The following MTOR variants were observed in gnomAD, a reference collection of about 807,000 sequenced individuals.
MTOR encodes the protein serine/threonine-protein kinase mTOR.
In MTOR, 70 loss-of-function variants were observed where a neutral mutation model predicts 319.8. That is an observed-to-expected ratio of 0.22 (90% confidence interval 0.18 to 0.27). The LOEUF is 0.27. Among genes scored for constraint, MTOR ranks in the 10% least tolerant of loss-of-function variants. The pLI is 1.00. For missense variants in MTOR, 1,890 were observed against 3,274.4 expected, an observed-to-expected ratio of 0.58 and a Z score of 10.32; for synonymous variants, 1,183 against 1,211.4, an observed-to-expected ratio of 0.98 and a Z score of 0.49.
intron 28 of MTOR, among the ~76,000 whole-genome samples, chr1:11,176,078 G>A (rs1310478591): frequency 6.6e-6 from 1 of 152,182 alleles, no homozygotes; most frequent in Admixed American, 6.5e-5. Flanking sequence ...AGGAGGATGA[G>A]ATTGACTGAA....
intron 19 of MTOR, among the ~76,000 whole-genome samples, chr1:11,223,805 C>A (rs761549974): frequency 6.6e-6 from 1 of 151,886 alleles, no homozygotes; most frequent in Non-Finnish European, 1.5e-5. Context: ...TTTGGGAGGC[C>A]GAGACGGGTG....
chr1:11,157,609 G>C (rs1028031186), intron 29 of MTOR, among the ~76,000 whole-genome samples: 2 of 152,124 alleles, frequency 1.3e-5, no homozygotes, highest in African/African-American at 2.4e-5. Context: ...GTGCGGACAC[G>C]AGGACAGGGG....
In MTOR at chr1:11,204,647, C is replaced by T. The variant is rs2100765218; in HGVS notation, c.3858G>A (p.Arg1286=). The T allele has an allele frequency of 1.2e-6, 2 of 1,614,190 alleles. No individual in the cohort carries two copies. Among genetic ancestry groups the T allele is most frequent in the Non-Finnish European group, 1.7e-6 (2 of 1,180,038 alleles). The change falls in exon 26 of 58, where the codon CGG becomes CGA. Residue 1286 remains arginine (R), a synonymous_variant. Coordinates refer to ENST00000361445, the MANE Select transcript of MTOR (RefSeq NM_004958.4). ...SKDDWLEWLR[R]LSLELLKDSS... ...AGTCCTTCAGCAGCTCCAGGCTCAG[C>T]CGTCTCAGCCATTCCAGCCAGTCAT... is the stretch of plus-strand genomic sequence containing the variant.
intron 49 of MTOR, among the ~76,000 whole-genome samples, chr1:11,120,123 G>GA (rs1174510153): frequency 6.6e-6 from 1 of 151,594 alleles, no homozygotes; most frequent in Admixed American, 6.6e-5. Flanking sequence ...TGTCACCCAG[G>GA]ACGGAGTGCA....
At chr1:11,116,112 A>G (rs1414662548) in intron 50 of MTOR, among the ~76,000 whole-genome samples, 2 of 152,250 alleles carry the variant, frequency 1.3e-5, no homozygotes, top group Non-Finnish European at 2.9e-5. Flanking sequence ...TCAGAGAACC[A>G]GTCTTTTTTA....
intron 9 of MTOR, among the ~76,000 whole-genome samples, chr1:11,242,408 G>T (rs1351892067): frequency 4.9e-5 from 7 of 143,316 alleles, no homozygotes; most frequent in African/African-American, 1.8e-4. Context: ...GCTGAGGCAG[G>T]AGAATCGCTT....
chr1:11,194,892 A>C, intron 28 of MTOR: 1 of 1,614,080 alleles, frequency 6.2e-7, no homozygotes, highest in Non-Finnish European at 8.5e-7. Context: ...CTCCAACCTC[A>C]ATGGAGTGTA....
At chr1:11,209,553 G>T in intron 24 of MTOR, 95 bp from the exon 25 acceptor site, 3 of 1,432,780 alleles carry the variant, frequency 2.1e-6, no homozygotes, top group Non-Finnish European at 2.9e-6. Flanking sequence ...AGACCTGGTA[G>T]AGCCAGGATT....
intron 6 of MTOR, among the ~76,000 whole-genome samples, chr1:11,249,913 C>T (rs376711427): frequency 6.0e-5 from 9 of 149,600 alleles, no homozygotes; most frequent in East Asian, 2.1e-4. Flanking sequence ...CATCATGGCC[C>T]GTTCTCAATG....
chr1:11,206,379 CT>C (rs1211390431), intron 25 of MTOR, among the ~76,000 whole-genome samples: 6 of 152,162 alleles, frequency 3.9e-5, no homozygotes, highest in African/African-American at 1.4e-4. Context: ...TGGAGTCATG[CT>C]ATCTAGGTCA....
chr1:11,181,222 C>T (rs1007863883), intron 28 of MTOR, among the ~76,000 whole-genome samples: 4 of 152,056 alleles, frequency 2.6e-5, no homozygotes, highest in Admixed American at 2.6e-4. Context: ...AGGGAGAAAA[C>T]CTGATCTCAG....
intron 52 of MTOR, 110 bp from the exon 53 acceptor site, chr1:11,114,563 G>A (rs907189827): frequency 4.8e-6 from 7 of 1,450,004 alleles, no homozygotes; most frequent in African/African-American, 2.8e-5. Flanking sequence ...CCATGTTGAC[G>A]TATCAGGGTG....
chr1:11,221,705 C>CAT (rs778406394), intron 19 of MTOR, among the ~76,000 whole-genome samples: 8 of 147,594 alleles, frequency 5.4e-5, no homozygotes, highest in Non-Finnish European at 7.4e-5. Flanking sequence ...ATTATATATA[C>CAT]ATATATATAT....
rs531026234 is a variant in MTOR at position 11,204,695 on chromosome 1, G to A, written c.3810C>T (p.Gly1270=). The A allele has an allele frequency of 2.8e-5, 45 of 1,613,948 alleles. No individual in the cohort carries two copies. Among genetic ancestry groups the A allele is most frequent in the South Asian group, 2.7e-4 (25 of 91,058 alleles). ...CATCTTTGGAGACCCTCCTGGCAGCGCCCCAGGCCTGTGATCCCACAGGTG... is the reference window on the plus strand; with the variant it reads ...CATCTTTGGAGACCCTCCTGGCAGCACCCCAGGCCTGTGATCCCACAGGTG... ...VSTINLQKAW[G]AARRVSKDDW... is the part of the protein sequence containing the mutation. The change falls in exon 26 of 58, where the codon GGC becomes GGT. Residue 1270 remains glycine, a synonymous_variant. Coordinates refer to ENST00000361445, the MANE Select transcript of MTOR (RefSeq NM_004958.4).
Position 11,128,234 on chromosome 1 carries a change from T to A in MTOR, c.5911-108A>T. 6.8e-7 allele frequency: 1 copy of A among 1,477,132 alleles called. No individual in the cohort carries two copies. The highest frequency in any genetic ancestry group is 9.2e-7 in the Non-Finnish European group (1 of 1,082,434). The allele number at this position is 1,477,132 out of a possible 1,614,324, so 91.5% of individuals were successfully genotyped here. A position where few individuals can be genotyped will look rare whatever the true frequency, so the allele number is the denominator to read the frequency against. ...ACAAGTGGTGAGTGTGACATTAACATCTGCTTGAGACTACCAGGAAGGGGC... is the reference window on the plus strand; with the variant it reads ...ACAAGTGGTGAGTGTGACATTAACAACTGCTTGAGACTACCAGGAAGGGGC... On this transcript the variant is annotated intron_variant, in intron 42 of 57. Coordinates refer to ENST00000361445, the MANE Select transcript of MTOR (RefSeq NM_004958.4). The surrounding 1 kb of genome is among the most constrained non-coding windows in gnomAD (Gnocchi z 5.3).
At position 11,157,146 on chromosome 1, in the gene MTOR, G is replaced by A. The variant is rs2100566710; in HGVS notation, c.4469+6C>T. 6.3e-7 allele frequency: 1 copy of A among 1,597,076 alleles called. No individual in the cohort carries two copies. The highest frequency in any genetic ancestry group is 1.1e-5 in the South Asian group (1 of 88,566). ...GCCACACATGCCATCATTCTAGGAA[G>A]CTCACCATTCCCCCAAGGCCTCGAG... is the stretch of plus-strand genomic sequence containing the variant. On this transcript the variant is annotated splice_donor_region_variant and intron_variant, in intron 30 of 57. Coordinates refer to ENST00000361445, the MANE Select transcript of MTOR (RefSeq NM_004958.4).
Position 11,130,640 on chromosome 1 carries a change from CGTGGTGGCGGCA to C in MTOR, c.5490_5501del (p.Thr1834_Thr1837del), listed in dbSNP as rs571156267. The C allele has an allele frequency of 6.5e-4, 1,042 of 1,613,568 alleles. 5 individuals are homozygous for C. Among genetic ancestry groups the C allele is most frequent in the East Asian group, 5.3e-3 (240 of 44,860 alleles). On this transcript the variant is annotated inframe_deletion, in exon 39 of 58. Coordinates refer to ENST00000361445, the MANE Select transcript of MTOR (RefSeq NM_004958.4). Reference sequence around the variant, plus strand: ...TGGCAGTGGTGGTGGCAGTGGCGGCCGTGGTGGCGGCAGTGGTGGCGTTGGTGATGTTGGCCC... The same window carrying C: ...TGGCAGTGGTGGTGGCAGTGGCGGCCGTGGTGGCGTTGGTGATGTTGGCCC...
intron 19 of MTOR, among the ~76,000 whole-genome samples, chr1:11,220,031 C>CA (rs35124153): frequency 0.081 from 4,412 of 54,246 alleles, 282 homozygotes; most frequent in African/African-American, 0.2. Context: ...GACTTGATCT[C>CA]AAAAAAAAAA....
chr1:11,210,913 C>T lies in MTOR; in HGVS notation c.3562-7G>A. ...TTGGAATGAAAATTTGGTACTAAAA[C>T]AGGAGGGGGAAGAGATGAGAAACTA... is the stretch of plus-strand genomic sequence containing the variant. On this transcript the variant is annotated splice_polypyrimidine_tract_variant and splice_region_variant and intron_variant, in intron 23 of 57. Transcript: ENST00000361445. 1 of 1,580,852 alleles carries T rather than the reference C, an allele frequency of 6.3e-7. No homozygotes were observed. Among genetic ancestry groups the T allele is most frequent in the South Asian group, 1.1e-5 (1 of 89,560 alleles).
Sources: allele counts gnomAD v4.1 joint callset (sites outside exome capture counted in the v4.1 genomes callset), GRCh38; gene constraint gnomAD v4.1.1; non-coding constraint Gnocchi (gnomAD v3.1); transcripts MANE v1.5; gene names NCBI Gene and HGNC (gene_info 2026-07-23, HGNC 2026-07-21).